PCDH9: variants seen among roughly 807,000 people sequenced by gnomAD.
PCDH9 encodes the protein protocadherin 9.
In PCDH9, 24 loss-of-function variants were observed where a neutral mutation model predicts 70.6. That is an observed-to-expected ratio of 0.34 (90% CI 0.25 to 0.48). The LOEUF (loss-of-function observed/expected upper bound fraction) is 0.48, where lower values mean the gene tolerates loss of function less well. Ranked by LOEUF, PCDH9 falls within the 20% of genes least tolerant of loss-of-function variation. PCDH9 has a pLI of 0.99. For synonymous variants in PCDH9, 562 were observed against 558.5 expected (o/e 1.01, Z -0.09); for missense variants, 1,281 against 1,503.6 (o/e 0.85, Z 2.45).
intron 4 of PCDH9, among the ~76,000 whole-genome samples, chr13:66,360,999 G>A (rs1956462154): frequency 6.6e-6 from 1 of 152,044 alleles, no homozygotes. Context: ...ATGAAGTGGG[G>A]TGACTACTGT....
chr13:66,774,990 T>A (rs1179735542), intron 3 of PCDH9, among the ~76,000 whole-genome samples: 3 of 152,240 alleles, frequency 2.0e-5, no homozygotes, highest in African/African-American at 7.2e-5. Context: ...AAATCTATTA[T>A]AATTATCAGA....
chr13:66,894,300 A>G (rs1407739598), intron 3 of PCDH9, among the ~76,000 whole-genome samples: 1 of 152,182 alleles, frequency 6.6e-6, no homozygotes, highest in East Asian at 1.9e-4. Context: ...AAAGAAAAAA[A>G]AAATTCAAAT....
At chr13:66,511,772 C>A (rs1357867559) in intron 4 of PCDH9, among the ~76,000 whole-genome samples, 3 of 152,142 alleles carry the variant, frequency 2.0e-5, no homozygotes, top group Non-Finnish European at 4.4e-5. Context: ...CATGCTCCTG[C>A]TTTTCCCATG....
rs773168939 is a variant in PCDH9, at chr13:66,677,398, T to C, written c.3139-45987A>G. On this transcript the variant is annotated intron_variant, in intron 3 of 4. Transcript: ENST00000377865. Reference sequence around the variant, plus strand: ...TGGTTTAAAATGTATATAAAGATGTTTAAAAGTTTTTTTGAAGTAAACAGG... The same window carrying C: ...TGGTTTAAAATGTATATAAAGATGTCTAAAAGTTTTTTTGAAGTAAACAGG... Among the ~76,000 whole-genome samples, 9 of 152,112 alleles carry C rather than the reference T, an allele frequency of 5.9e-5. No individual in the cohort carries two copies. In the South Asian group the frequency reaches 1.7e-3, roughly 28 times the overall value.
chr13:66,884,564 T>C (rs1438429414), intron 3 of PCDH9, among the ~76,000 whole-genome samples: 1 of 152,114 alleles, frequency 6.6e-6, no homozygotes, highest in Non-Finnish European at 1.5e-5. Context: ...AAAAATAGCA[T>C]AAGAAAAGGA....
intron 3 of PCDH9, among the ~76,000 whole-genome samples, chr13:66,665,693 T>C (rs1430008170): frequency 6.6e-6 from 1 of 152,210 alleles, no homozygotes; most frequent in Non-Finnish European, 1.5e-5. Flanking sequence ...TCTTATGTTC[T>C]GTGCTGTGTC....
At chr13:67,153,188 G>T (rs990896589) in intron 2 of PCDH9, among the ~76,000 whole-genome samples, 4 of 151,138 alleles carry the variant, frequency 2.6e-5, no homozygotes, top group Admixed American at 2.6e-4. Context: ...TTAAGATAGG[G>T]TCTCTCTCCG....
chr13:66,931,091 G>C, intron 2 of PCDH9, among the ~76,000 whole-genome samples: 1 of 152,068 alleles, frequency 6.6e-6, no homozygotes, highest in East Asian at 1.9e-4. Flanking sequence ...TTTTTCAACT[G>C]TTTTGTTGAC....
chr13:66,730,893 T>TTTTTG lies in PCDH9; in HGVS notation c.3139-99483_3139-99482insCAAAA, dbSNP rs1199296661. 4.5e-4 allele frequency among the ~76,000 whole-genome samples: 43 copies of TTTTTG among 94,526 alleles called. 1 individual carries two copies. The highest frequency in any genetic ancestry group is 1.5e-3 in the African/African-American group (41 of 26,634). The allele number at this position is 94,526 out of a possible 152,430, so 62.0% of individuals were successfully genotyped here. A position where few individuals can be genotyped will look rare whatever the true frequency, so the allele number is the denominator to read the frequency against. ...GTGTGTGTGTTTTTTTTTTGTTTGT[T>TTTTTG]TCTTTTTTTTTGTGGAGACAGAGGT... On this transcript the variant is annotated intron_variant, in intron 3 of 4. Coordinates refer to ENST00000377865, the MANE Select transcript of PCDH9 (RefSeq NM_203487.3).
intron 2 of PCDH9, among the ~76,000 whole-genome samples, chr13:67,082,686 C>T (rs1170752081): frequency 2.6e-5 from 4 of 151,946 alleles, no homozygotes; most frequent in Non-Finnish European, 5.9e-5. Context: ...TTATGTTATC[C>T]CTCGTTCTAC....
intron 4 of PCDH9, among the ~76,000 whole-genome samples, chr13:66,386,005 A>T (rs1956922484): frequency 6.6e-6 from 1 of 152,028 alleles, no homozygotes; most frequent in Non-Finnish European, 1.5e-5. Context: ...ATAAAAAAAA[A>T]AAAAGGGAAG....
intron 2 of PCDH9, among the ~76,000 whole-genome samples, chr13:66,924,479 A>G (rs2082685710): frequency 6.6e-6 from 1 of 151,774 alleles, no homozygotes; most frequent in African/African-American, 2.4e-5. Flanking sequence ...GGAGGTAAGA[A>G]TTTTGATGTT....
intron 2 of PCDH9, chr13:67,211,135 C>A (rs897541233): frequency 1.3e-5 from 2 of 152,014 alleles, no homozygotes; most frequent in Admixed American, 1.3e-4. Flanking sequence ...TTGGTCATAT[C>A]AACCCAATAA....
chr13:66,679,334 T>C (rs543469490), intron 3 of PCDH9, among the ~76,000 whole-genome samples: 28 of 151,926 alleles, frequency 1.8e-4, no homozygotes, highest in Middle Eastern at 3.4e-3. Flanking sequence ...TATGATATTA[T>C]AGTGATATTA....
At chr13:66,309,738 C>T (rs755001433) in intron 4 of PCDH9, among the ~76,000 whole-genome samples, 1 of 151,484 alleles carries the variant, frequency 6.6e-6, no homozygotes, top group East Asian at 1.9e-4. Context: ...TTTATTAAAA[C>T]CTAACATTCA....
At chr13:67,129,047 C>T (rs906834724) in intron 2 of PCDH9, among the ~76,000 whole-genome samples, 3 of 152,074 alleles carry the variant, frequency 2.0e-5, no homozygotes, top group Admixed American at 6.6e-5. Context: ...TTACTTAACA[C>T]CACCTTGGGA....
chr13:66,845,387 C>T (rs2081189826), intron 3 of PCDH9, among the ~76,000 whole-genome samples: 1 of 152,220 alleles, frequency 6.6e-6, no homozygotes, highest in Non-Finnish European at 1.5e-5. Flanking sequence ...CCTGGATCAG[C>T]CTCACCTTTG....
intron 2 of PCDH9, among the ~76,000 whole-genome samples, chr13:67,001,176 T>TA (rs2084237049): frequency 6.6e-6 from 1 of 152,208 alleles, no homozygotes; most frequent in Admixed American, 6.6e-5. Flanking sequence ...AGCTTGTTTT[T>TA]ATAACAACAT....
chr13:66,459,520 T>C (rs1336009185), intron 4 of PCDH9, among the ~76,000 whole-genome samples: 1 of 151,898 alleles, frequency 6.6e-6, no homozygotes, highest in Non-Finnish European at 1.5e-5. Flanking sequence ...TATGAGGGTA[T>C]ATTCATTGAT....
Sources: gnomAD v4.1 joint callset for allele counts (sites outside exome capture counted in the v4.1 genomes callset) on GRCh38, gnomAD v4.1.1 for gene constraint, MANE v1.5 for transcripts, NCBI Gene and HGNC (gene_info 2026-07-23, HGNC 2026-07-21) for gene names.